The following CAB39L variants were observed in gnomAD, a reference collection of about 807,000 sequenced individuals.
CAB39L encodes the protein calcium binding protein 39 like.
A neutral mutation model predicts 39.1 loss-of-function variants in CAB39L; 23 were observed. The ratio of observed to expected loss-of-function variants is 0.59; its 90% CI spans 0.42 to 0.83. The LOEUF is 0.83. CAB39L is among the 40% of genes least tolerant of loss of function. The pLI is 0.00. For missense variants in CAB39L, 366 were observed against 391.9 expected (o/e 0.93, Z 0.56); for synonymous variants, 126 against 137.2 (o/e 0.92, Z 0.57).
At chr13:49,387,460 GA>G in intron 3 of CAB39L, among the ~76,000 whole-genome samples, 2 of 152,198 alleles carry the variant, frequency 1.3e-5, no homozygotes, top group Non-Finnish European at 2.9e-5. Flanking sequence ...CCTAGGCATT[GA>G]AAACGGTGTT....
At chr13:49,401,438 T>A (rs890585129) in intron 3 of CAB39L, 8 of 152,272 alleles carry the variant, frequency 5.3e-5, no homozygotes, top group African/African-American at 1.9e-4. Flanking sequence ...TGCTCTCAGA[T>A]TCCAAGCCTT....
chr13:49,398,905 T>C (rs967944769), intron 3 of CAB39L, among the ~76,000 whole-genome samples: 6 of 152,096 alleles, frequency 3.9e-5, no homozygotes, highest in Non-Finnish European at 5.9e-5. Flanking sequence ...CCTTGTAAAT[T>C]GCCTCCCCTC....
intron 7 of CAB39L, among the ~76,000 whole-genome samples, chr13:49,345,612 C>CT (rs200333863): frequency 7.0e-4 from 107 of 152,076 alleles, no homozygotes; most frequent in Admixed American, 1.5e-3. Context: ...GGTCCCTACT[C>CT]TTTTTTTTAA....
At chr13:49,402,797 T>C (rs1956801100) in intron 3 of CAB39L, among the ~76,000 whole-genome samples, 1 of 152,184 alleles carries the variant, frequency 6.6e-6, no homozygotes, top group Admixed American at 6.5e-5. Flanking sequence ...ATTTGGTTAT[T>C]TCTTAGCACC....
intron 9 of CAB39L, among the ~76,000 whole-genome samples, chr13:49,333,525 C>T (rs1348600185): frequency 2.0e-5 from 3 of 151,848 alleles, no homozygotes; most frequent in East Asian, 1.9e-4. Flanking sequence ...TTCTAGTCTC[C>T]GCTTCTTTCC....
intron 10 of CAB39L, among the ~76,000 whole-genome samples, chr13:49,329,494 T>C (rs1026232874): frequency 1.5e-4 from 21 of 142,354 alleles, no homozygotes; most frequent in Non-Finnish European, 2.3e-4. Context: ...GGAAGCTCCA[T>C]GCCCCTTTCC....
At chr13:49,414,400 TCTA>T (rs1003403825) in intron 3 of CAB39L, among the ~76,000 whole-genome samples, 11 of 152,118 alleles carry the variant, frequency 7.2e-5, no homozygotes, top group Non-Finnish European at 1.3e-4. Context: ...ACATATCAAT[TCTA>T]CTAACAAAAA....
intron 10 of CAB39L, among the ~76,000 whole-genome samples, chr13:49,312,603 C>A (rs1305393526): frequency 6.6e-6 from 1 of 152,180 alleles, no homozygotes; most frequent in Non-Finnish European, 1.5e-5. Context: ...TGTGATGTTC[C>A]CACACAAAGG....
chr13:49,337,744 A>T (rs949182022), intron 9 of CAB39L, among the ~76,000 whole-genome samples: 1 of 150,828 alleles, frequency 6.6e-6, no homozygotes, highest in African/African-American at 2.4e-5. Context: ...ACACACACAC[A>T]CACACACACA....
At position 49,316,721 on chromosome 13, in the gene CAB39L, C is replaced by G. The variant is rs56303435; in HGVS notation, c.835-5728G>C. 7.2e-3 allele frequency among the ~76,000 whole-genome samples: 1,091 copies of G among 152,242 alleles called. 10 individuals are homozygous for G. The highest frequency in any genetic ancestry group is 0.024 in the African/African-American group (1,012 of 41,526). On this transcript the variant is annotated intron_variant, in intron 10 of 10. Coordinates refer to ENST00000409308, the MANE Select transcript of CAB39L (RefSeq NM_001079670.3). ...CACATGTACTGGGTTAAACTGTGTT[C>G]CCCAAAAAGATATGTTCAAGTCCTA...
chr13:49,322,571 G>A (rs1418986881), intron 10 of CAB39L, among the ~76,000 whole-genome samples: 1 of 151,860 alleles, frequency 6.6e-6, no homozygotes, highest in Non-Finnish European at 1.5e-5. Flanking sequence ...AACTATTTTG[G>A]GTAAAATATT....
At chr13:49,412,368 A>T (rs1238748614) in intron 3 of CAB39L, among the ~76,000 whole-genome samples, 1 of 15,046 alleles carries the variant, frequency 6.6e-5, no homozygotes, top group Non-Finnish European at 1.9e-4. Context: ...TGCCATTTAA[A>T]AAAAAAAAAA....
rs79899257 is a variant in CAB39L at position 49,418,074 on chromosome 13, T to C, written c.-32+15244A>G. On this transcript the variant is annotated intron_variant, in intron 3 of 10. Coordinates refer to ENST00000409308, the MANE Select transcript of CAB39L (RefSeq NM_001079670.3). ...TTTATATCCAAGAGAAATGAAAACA[T>C]ACACCCATACAAAAACTTATACATG... 4.6e-3 allele frequency among the ~76,000 whole-genome samples: 697 copies of C among 152,078 alleles called. 5 individuals carry two copies. The highest frequency in any genetic ancestry group is 7.6e-3 in the Non-Finnish European group (515 of 67,980).
intron 1 of CAB39L, among the ~76,000 whole-genome samples, chr13:49,442,152 T>C (rs1239335069): frequency 6.6e-6 from 1 of 152,206 alleles, no homozygotes; most frequent in Non-Finnish European, 1.5e-5. Context: ...TATTCTATAC[T>C]TCTTTCATTT....
intron 1 of CAB39L, among the ~76,000 whole-genome samples, chr13:49,436,781 G>A (rs1360418520): frequency 6.6e-6 from 1 of 151,758 alleles, no homozygotes; most frequent in Non-Finnish European, 1.5e-5. Context: ...CATTTGTTTT[G>A]CAGTTTTGAA....
intron 10 of CAB39L, among the ~76,000 whole-genome samples, chr13:49,326,446 G>C (rs1420132556): frequency 6.6e-6 from 1 of 152,164 alleles, no homozygotes; most frequent in South Asian, 2.1e-4. Context: ...CTCACCAATA[G>C]TAGGAAGCAC....
intron 3 of CAB39L, among the ~76,000 whole-genome samples, chr13:49,411,410 GAAAAAA>G (rs760826107): frequency 6.8e-5 from 7 of 102,444 alleles, no homozygotes; most frequent in South Asian, 3.1e-4. Context: ...ACTCTCCTGA[GAAAAAA>G]AAAAAAAAAA....
intron 1 of CAB39L, among the ~76,000 whole-genome samples, chr13:49,443,127 T>C (rs186198138): frequency 3.8e-4 from 57 of 149,612 alleles, no homozygotes; most frequent in Non-Finnish European, 7.1e-4. Context: ...GGTTAAGTCC[T>C]GTCTTCTTCC....
chr13:49,311,044 CA>C, intron 10 of CAB39L, 51 bp from the exon 11 acceptor site: 1 of 1,551,852 alleles, frequency 6.4e-7, no homozygotes, highest in African/African-American at 1.4e-5. Context: ...GGACCTCACC[CA>C]CGCTACAGCA....
Sources: allele counts gnomAD v4.1 joint callset (sites outside exome capture counted in the v4.1 genomes callset), GRCh38; gene constraint gnomAD v4.1.1; transcripts MANE v1.5; gene names NCBI Gene and HGNC (gene_info 2026-07-23, HGNC 2026-07-21).